NELL1: variants seen among roughly 807,000 people sequenced by gnomAD.
NELL1 encodes the protein neural EGFL like 1.
In NELL1, 76 loss-of-function variants were observed where a neutral mutation model predicts 107.4. That is an observed-to-expected ratio of 0.71 (90% confidence interval 0.59 to 0.86). NELL1 has a LOEUF of 0.86. Among genes scored for constraint, NELL1 ranks in the 40% least tolerant of loss-of-function variants. The pLI is 0.00. For missense variants in NELL1, 1,024 were observed against 1,005.5 expected (o/e 1.02, Z -0.25); for synonymous variants, 353 against 341.2 (o/e 1.03, Z -0.38).
intron 2 of NELL1, among the ~76,000 whole-genome samples, chr11:20,742,424 C>T (rs191137992): frequency 6.6e-6 from 1 of 152,212 alleles, no homozygotes; most frequent in African/African-American, 2.4e-5. Context: ...CTACTCATTA[C>T]CTCCCCTTAT....
At chr11:21,302,148 G>A (rs962660787) in intron 14 of NELL1, among the ~76,000 whole-genome samples, 7 of 152,070 alleles carry the variant, frequency 4.6e-5, no homozygotes, top group South Asian at 2.1e-4. Context: ...CTCATGATTC[G>A]TGGGTTGACC....
chr11:20,880,510 C>T (rs56964974), intron 4 of NELL1, among the ~76,000 whole-genome samples: 85 of 152,190 alleles, frequency 5.6e-4, no homozygotes, highest in African/African-American at 1.9e-3. Context: ...TAGTAGACTG[C>T]GGAACTGCGA....
intron 14 of NELL1, among the ~76,000 whole-genome samples, chr11:21,336,813 A>T (rs573467851): frequency 7.9e-5 from 12 of 152,030 alleles, no homozygotes; most frequent in African/African-American, 2.9e-4. Flanking sequence ...AAGTTATTAT[A>T]TTAAAGAAGT....
At chr11:21,161,598 TG>T (rs1350029117) in intron 13 of NELL1, among the ~76,000 whole-genome samples, 1 of 152,168 alleles carries the variant, frequency 6.6e-6, no homozygotes, top group Non-Finnish European at 1.5e-5. Context: ...CATCAGGTTC[TG>T]TAAGACAGGA....
intron 13 of NELL1, among the ~76,000 whole-genome samples, chr11:21,129,730 A>T (rs1375035645): frequency 6.6e-6 from 1 of 152,168 alleles, no homozygotes; most frequent in African/African-American, 2.4e-5. Context: ...ACAAAATGTA[A>T]AATGGTGGTT....
chr11:20,960,632 A>T, intron 12 of NELL1, 72 bp downstream of exon 12: 1 of 1,547,212 alleles, frequency 6.5e-7, no homozygotes, highest in Non-Finnish European at 8.9e-7. Context: ...GATGTGGTTA[A>T]AGAGTGAAAA....
intron 12 of NELL1, among the ~76,000 whole-genome samples, chr11:20,960,944 A>G (rs1590466320): frequency 1.3e-5 from 2 of 152,190 alleles, no homozygotes; most frequent in South Asian, 4.1e-4. Context: ...TTTTCAAATG[A>G]TACTTTGACA....
At chr11:20,982,835 T>C (rs1436600780) in intron 12 of NELL1, among the ~76,000 whole-genome samples, 1 of 152,220 alleles carries the variant, frequency 6.6e-6, no homozygotes, top group African/African-American at 2.4e-5. Context: ...TGTTAAAGAA[T>C]CTTAAAAGCG....
At chr11:20,762,746 A>G (rs1257870828) in intron 2 of NELL1, among the ~76,000 whole-genome samples, 1 of 152,100 alleles carries the variant, frequency 6.6e-6, no homozygotes, top group African/African-American at 2.4e-5. Context: ...TCACATTATT[A>G]TTCTGTGGTT....
rs142208132 is a variant in NELL1 at position 21,506,091 on chromosome 11, G to A, written c.1646-28283G>A. Reference sequence around the variant, plus strand: ...TCATTCTAGTGTGTTTGTTAAAAACGCATTTTCACAATTTAAGTATCCTAT... The same window carrying A: ...TCATTCTAGTGTGTTTGTTAAAAACACATTTTCACAATTTAAGTATCCTAT... On this transcript the variant is annotated intron_variant, in intron 15 of 19. Coordinates refer to ENST00000357134, the MANE Select transcript of NELL1 (RefSeq NM_006157.5). Among the ~76,000 whole-genome samples the A allele has an allele frequency of 1.7e-3, 255 of 152,222 alleles. 1 individual carries two copies. Among genetic ancestry groups the A allele is most frequent in the African/African-American group, 6.0e-3 (248 of 41,540 alleles).
intron 8 of NELL1, 118 bp downstream of exon 8, chr11:20,927,560 A>G (rs1331171872): frequency 7.2e-6 from 7 of 976,640 alleles, no homozygotes; most frequent in African/African-American, 3.4e-5. Context: ...TTAGGTTTTT[A>G]CCTAGCACCC....
chr11:21,097,228 C>T (rs766712067), intron 12 of NELL1, among the ~76,000 whole-genome samples: 26 of 152,162 alleles, frequency 1.7e-4, no homozygotes, highest in Non-Finnish European at 3.4e-4. Context: ...ATTTACCCTT[C>T]ATCCTGCTTT....
At chr11:21,263,594 G>C (rs1848577068) in intron 14 of NELL1, among the ~76,000 whole-genome samples, 1 of 151,900 alleles carries the variant, frequency 6.6e-6, no homozygotes, top group African/African-American at 2.4e-5. Flanking sequence ...TCTTTTTCTA[G>C]GCTGGTGGAG....
intron 3 of NELL1, among the ~76,000 whole-genome samples, chr11:20,818,783 A>T (rs1424412337): frequency 6.6e-6 from 1 of 152,192 alleles, no homozygotes; most frequent in African/African-American, 2.4e-5. Context: ...GAGTTATAAG[A>T]TTAAATACAT....
chr11:20,719,125 A>G (rs1855318876), intron 2 of NELL1, among the ~76,000 whole-genome samples: 1 of 152,234 alleles, frequency 6.6e-6, no homozygotes, highest in South Asian at 2.1e-4. Context: ...AACATTTGTG[A>G]ATGATAATAA....
intron 1 of NELL1, among the ~76,000 whole-genome samples, chr11:20,673,660 C>A (rs1254385602): frequency 1.3e-5 from 2 of 152,208 alleles, no homozygotes; most frequent in Non-Finnish European, 2.9e-5. Flanking sequence ...GCCTCTGTGA[C>A]ATTGACATGC....
At chr11:21,544,572 TAC>T (rs1259865710) in intron 16 of NELL1, among the ~76,000 whole-genome samples, 2 of 151,976 alleles carry the variant, frequency 1.3e-5, no homozygotes, top group Non-Finnish European at 2.9e-5. Flanking sequence ...TAAGATTAAT[TAC>T]TTCATGTTCT....
intron 17 of NELL1, among the ~76,000 whole-genome samples, chr11:21,569,138 A>C (rs1857040881): frequency 6.6e-6 from 1 of 151,798 alleles, no homozygotes; most frequent in South Asian, 2.1e-4. Context: ...AGCTTCATTA[A>C]AATTATATAA....
chr11:20,913,052 T>A (rs1850166813), intron 5 of NELL1, among the ~76,000 whole-genome samples: 1 of 152,176 alleles, frequency 6.6e-6, no homozygotes. Flanking sequence ...CGGTTTTGCA[T>A]GCTGGAATAT....
Sources: gnomAD v4.1 joint callset for allele counts (sites outside exome capture counted in the v4.1 genomes callset) on GRCh38, gnomAD v4.1.1 for gene constraint, MANE v1.5 for transcripts, NCBI Gene and HGNC (gene_info 2026-07-23, HGNC 2026-07-21) for gene names.